CDC27: variants seen among roughly 807,000 people sequenced by gnomAD.
CDC27 encodes the protein cell division cycle protein 27 homolog.
A neutral mutation model predicts 109.7 loss-of-function variants in CDC27; 27 were observed. The ratio of observed to expected loss-of-function variants is 0.25; its 90% CI spans 0.18 to 0.34. The LOEUF (loss-of-function observed/expected upper bound fraction) is 0.34, where lower values mean the gene tolerates loss of function less well. Ranked by LOEUF, CDC27 falls within the 10% of genes least tolerant of loss-of-function variation. CDC27 has a pLI of 1.00. For missense variants in CDC27, 579 were observed against 960.2 expected (o/e 0.60, Z 5.25); for synonymous variants, 266 against 333.9 (o/e 0.80, Z 2.22).
rs773553172 is a variant in CDC27, at chr17:47,142,056, A to G, written c.1379-31T>C. On this transcript the variant is annotated intron_variant, in intron 11 of 18. Coordinates refer to ENST00000066544, the MANE Select transcript of CDC27 (RefSeq NM_001256.6). ...AGAAAACAACATAGTAAACAAAGGA[A>G]AAAACGCAATAAACTAGTCTGCTTC... The G allele has an allele frequency of 2.7e-6, 4 of 1,502,210 alleles. No individual in the cohort carries two copies. In the South Asian group the frequency reaches 3.9e-5, roughly 15 times the overall value. The allele number at this position is 1,502,210 out of a possible 1,614,324, so 93.1% of individuals were successfully genotyped here.
intron 4 of CDC27, chr17:47,159,295 C>A: frequency 3.3e-6 from 2 of 609,644 alleles, no homozygotes; most frequent in Non-Finnish European, 5.4e-6. Flanking sequence ...TTGGTGAATA[C>A]AGTCTCCTTC....
intron 2 of CDC27, among the ~76,000 whole-genome samples, chr17:47,176,443 T>C (rs1355542739): frequency 6.6e-6 from 1 of 152,184 alleles, no homozygotes; most frequent in Non-Finnish European, 1.5e-5. Context: ...TTGTTAATGA[T>C]GGGGTTAATA....
rs1555560988 is a variant in CDC27 at position 47,180,945 on chromosome 17, T to TCA, written c.103+616_103+617insTG. On this transcript the variant is annotated intron_variant, in intron 2 of 18. Transcript: ENST00000066544. ...CACCATAGAATACAGACTCTTTTCTTAAAAAAAAAAAAAAAAAAAAAAAAT... is the reference window on the plus strand; with the variant it reads ...CACCATAGAATACAGACTCTTTTCTTCAAAAAAAAAAAAAAAAAAAAAAAAAT... 1.5e-3 allele frequency among the ~76,000 whole-genome samples: 170 copies of TCA among 111,672 alleles called. 8 individuals carry two copies. The highest frequency in any genetic ancestry group is 5.6e-3 in the African/African-American group (163 of 28,910). The allele number at this position is 111,672 out of a possible 152,430, so 73.3% of individuals were successfully genotyped here.
At chr17:47,124,038 C>G in intron 16 of CDC27, 78 bp from the exon 17 acceptor site, 1 of 827,314 alleles carries the variant, frequency 1.2e-6, no homozygotes, top group Non-Finnish European at 1.9e-6. Context: ...TATTTGATTT[C>G]CCAAATCATC....
At chr17:47,143,262 C>T (rs1026067144) in intron 10 of CDC27, among the ~76,000 whole-genome samples, 17 of 152,158 alleles carry the variant, frequency 1.1e-4, no homozygotes, top group African/African-American at 3.9e-4. Context: ...CTGCGTCCGC[C>T]GGGTCTCCAG....
intron 9 of CDC27, among the ~76,000 whole-genome samples, chr17:47,145,352 G>T (rs1350916577): frequency 6.6e-6 from 1 of 152,202 alleles, no homozygotes; most frequent in African/African-American, 2.4e-5. Flanking sequence ...CTACAAAGAG[G>T]AGACCTACAA....
rs1243139641 is a variant in CDC27, at chr17:47,120,995, C to G, written c.2415G>C (p.Glu805Asp). The G allele has an allele frequency of 1.2e-6, 2 of 1,612,048 alleles. No individual in the cohort carries two copies. The highest frequency in any genetic ancestry group is 1.7e-6 in the Non-Finnish European group (2 of 1,178,812). The change falls in exon 19 of 19, where the codon GAG (glutamate) becomes GAC (aspartate). Residue 805 changes from glutamate to aspartate, a missense_variant. Physicochemically the swap from Glu to Asp is conservative, Grantham distance 45 (BLOSUM62 2). Transcript: ENST00000066544. ...EQIMGTDESQESSMTDADDTQ... is the reference protein window; with the variant it reads ...EQIMGTDESQDSSMTDADDTQ... The stretch of plus-strand genomic sequence containing the variant: ...TGTCATCCGCATCTGTCATGCTGCT[C>G]TCCTGGGATTCATCTGTTCCCACTT...
chr17:47,124,142 G>C (rs1055331051), intron 16 of CDC27, among the ~76,000 whole-genome samples, 182 bp from the exon 17 acceptor site: 4 of 148,824 alleles, frequency 2.7e-5, no homozygotes, highest in Non-Finnish European at 5.9e-5. Context: ...TATGACAATA[G>C]GTACTAAGAA....
At chr17:47,123,299 T>C (rs2062030039) in intron 17 of CDC27, among the ~76,000 whole-genome samples, 1 of 152,174 alleles carries the variant, frequency 6.6e-6, no homozygotes, top group Admixed American at 6.5e-5. Flanking sequence ...TATGGAGGTC[T>C]AGTCTGTAAA....
intron 4 of CDC27, 138 bp from the exon 5 acceptor site, chr17:47,158,441 C>T (rs545079899): frequency 9.7e-6 from 4 of 410,630 alleles, no homozygotes; most frequent in Non-Finnish European, 1.7e-5. Flanking sequence ...TTACCAATTT[C>T]TCCCATCTGC....
At chr17:47,163,268 C>T (rs544015741) in intron 4 of CDC27, among the ~76,000 whole-genome samples, 62 of 152,262 alleles carry the variant, frequency 4.1e-4, no homozygotes, top group African/African-American at 1.3e-3. Flanking sequence ...AAACCTAACA[C>T]ACCTTAGCTA....
At chr17:47,140,134 T>C (rs2062751259) in intron 12 of CDC27, among the ~76,000 whole-genome samples, 1 of 152,216 alleles carries the variant, frequency 6.6e-6, no homozygotes, top group African/African-American at 2.4e-5. Context: ...TATATAGGAA[T>C]AGCTTAACGA....
At chr17:47,168,533 G>T (rs1031830205) in intron 4 of CDC27, among the ~76,000 whole-genome samples, 1 of 152,140 alleles carries the variant, frequency 6.6e-6, no homozygotes, top group African/African-American at 2.4e-5. Flanking sequence ...AGCCAAGTAT[G>T]ACTGTGAGTT....
At chr17:47,127,823 T>G (rs959853684) in intron 16 of CDC27, among the ~76,000 whole-genome samples, 5 of 150,974 alleles carry the variant, frequency 3.3e-5, no homozygotes, top group Non-Finnish European at 5.9e-5. Context: ...TCATTTCAGC[T>G]TCCTGAGTAG....
chr17:47,139,335 C>T (rs933873341), intron 12 of CDC27, among the ~76,000 whole-genome samples: 7 of 148,898 alleles, frequency 4.7e-5, no homozygotes, highest in Non-Finnish European at 8.9e-5. Flanking sequence ...GGCGCAATCT[C>T]GGCTCACTGC....
At chr17:47,183,324 C>T (rs766697155) in intron 1 of CDC27, among the ~76,000 whole-genome samples, 1 of 152,112 alleles carries the variant, frequency 6.6e-6, no homozygotes, top group South Asian at 2.1e-4. Flanking sequence ...GATTAATATG[C>T]CTTAGATACA....
chr17:47,178,566 A>C (rs1260163732), intron 2 of CDC27, among the ~76,000 whole-genome samples: 1 of 151,216 alleles, frequency 6.6e-6, no homozygotes, highest in Non-Finnish European at 1.5e-5. Context: ...AAAAAAAAAA[A>C]AACCCTGAAA....
At chr17:47,133,022 T>C (rs1434339217) in intron 14 of CDC27, among the ~76,000 whole-genome samples, 1,196 of 41,444 alleles carry the variant, frequency 0.029, 42 homozygotes, top group East Asian at 0.17. Flanking sequence ...TATATATATA[T>C]ATATATACAC....
chr17:47,159,702 C>T lies in CDC27; in HGVS notation c.378-1399G>A, dbSNP rs113554121. 7.9e-4 allele frequency: 334 copies of T among 420,660 alleles called. 1 individual carries two copies. Among genetic ancestry groups the T allele is most frequent in the African/African-American group, 5.9e-3 (288 of 48,560 alleles). The allele number at this position is 420,660 out of a possible 1,614,324, so 26.1% of individuals were successfully genotyped here. A position where few individuals can be genotyped will look rare whatever the true frequency, so the allele number is the denominator to read the frequency against. On this transcript the variant is annotated intron_variant, in intron 4 of 18. Transcript: ENST00000066544. ...TAGTCCTCGATGGCAACAAACGCCTCGAACCTGGTGCCCTGGCTGGCACGG... is the reference window on the plus strand; with the variant it reads ...TAGTCCTCGATGGCAACAAACGCCTTGAACCTGGTGCCCTGGCTGGCACGG...
Sources: gnomAD v4.1 joint callset for allele counts (sites outside exome capture counted in the v4.1 genomes callset) on GRCh38, gnomAD v4.1.1 for gene constraint, MANE v1.5 for transcripts, NCBI Gene and HGNC (gene_info 2026-07-23, HGNC 2026-07-21) for gene names.